MAP4K1: variants seen among roughly 807,000 people sequenced by gnomAD.
MAP4K1 encodes the protein MAPK/ERK kinase kinase kinase 1.
In MAP4K1, 35 loss-of-function variants were observed where a neutral mutation model predicts 122.8. The ratio of observed to expected loss-of-function variants is 0.29; its 90% confidence interval spans 0.22 to 0.38. MAP4K1 has a LOEUF of 0.38. Ranked by LOEUF, MAP4K1 falls within the 10% of genes least tolerant of loss-of-function variation. The pLI, the probability that MAP4K1 is intolerant of heterozygous loss-of-function variation, is 1.00. For synonymous variants in MAP4K1, 412 were observed against 421.3 expected, an observed-to-expected ratio of 0.98 and a Z score of 0.27; for missense variants, 791 against 1,072.6, an observed-to-expected ratio of 0.74 and a Z score of 3.67.
chr19:38,596,005 T>C lies in MAP4K1; in HGVS notation c.2117-4A>G. 1 of 1,613,698 alleles carries C rather than the reference T, an allele frequency of 6.2e-7. No individual in the cohort carries two copies. Among genetic ancestry groups the C allele is most frequent in the Non-Finnish European group, 8.5e-7 (1 of 1,179,880 alleles). On this transcript the variant is annotated splice_region_variant and splice_polypyrimidine_tract_variant and intron_variant, in intron 26 of 30. Coordinates refer to ENST00000396857, the MANE Select transcript of MAP4K1 (RefSeq NM_001042600.3). ...ACCTGCACGGGTCCCCTGTGCTCTG[T>C]TTGGGGGGAGTGGGTTAAGGATTGA...
Position 38,603,007 on chromosome 19 carries a change from TAC to T in MAP4K1, c.1447-1484_1447-1483del, listed in dbSNP as rs1190641935. Among the ~76,000 whole-genome samples the T allele has an allele frequency of 6.1e-4, 89 of 146,740 alleles. 3 individuals carry two copies. The highest frequency in any genetic ancestry group is 2.0e-3 in the African/African-American group (80 of 40,378). ...ATATACATATATACATATACATATATACACACATATACATGTATACATATATA... is the reference window on the plus strand; with the variant it reads ...ATATACATATATACATATACATATATACACATATACATGTATACATATATA... On this transcript the variant is annotated intron_variant, in intron 19 of 30. Coordinates refer to ENST00000396857, the MANE Select transcript of MAP4K1 (RefSeq NM_001042600.3).
intron 17 of MAP4K1, 39 bp downstream of exon 17, chr19:38,606,134 C>G: frequency 6.5e-7 from 1 of 1,543,950 alleles, no homozygotes; most frequent in Non-Finnish European, 8.8e-7. Flanking sequence ...CCCAGTGGCC[C>G]TGAGGCCCCA....
chr19:38,595,907 T>TC (rs779013188), intron 27 of MAP4K1, 32 bp downstream of exon 27: 5 of 1,605,738 alleles, frequency 3.1e-6, no homozygotes, highest in Non-Finnish European at 4.3e-6. Context: ...GCTGGAGGGG[T>TC]GGGGAGGAAG....
At position 38,597,314 on chromosome 19, in the gene MAP4K1, G is replaced by GCT; in HGVS notation, c.1837+10_1837+11dup. 6.2e-7 allele frequency: 1 copy of GCT among 1,613,904 alleles called. No individual in the cohort carries two copies. The highest frequency in any genetic ancestry group is 8.5e-7 in the Non-Finnish European group (1 of 1,180,010). On this transcript the variant is annotated intron_variant, in intron 24 of 30. Transcript: ENST00000396857. This position sits in a 1 kb window ranked among gnomAD's most constrained non-coding sequence, Gnocchi z 4.6. Reference sequence around the variant, plus strand: ...CGCCCACTCTCTGCACACCCGTGAAGCTCTCTCTCACCCACACAGCACGCC... The same window carrying GCT: ...CGCCCACTCTCTGCACACCCGTGAAGCTCTCTCTCTCACCCACACAGCACGCC...
At chr19:38,600,215 C>A (rs960986498) in intron 20 of MAP4K1, 62 bp from the exon 21 acceptor site, 1 of 1,351,168 alleles carries the variant, frequency 7.4e-7, no homozygotes, top group African/African-American at 1.4e-5. Flanking sequence ...CAGATCCCCA[C>A]CTGTCTGACC....
chr19:38,593,112 C>T (rs1200642712), intron 30 of MAP4K1, among the ~76,000 whole-genome samples, 170 bp downstream of exon 30: 1 of 152,018 alleles, frequency 6.6e-6, no homozygotes, highest in Non-Finnish European at 1.5e-5. Context: ...AGAGAGAACG[C>T]CCCCGTGGCT....
chr19:38,614,246 T>G lies in MAP4K1; in HGVS notation c.416A>C (p.Lys139Thr). Residue 139 changes from lysine to threonine, a missense_variant and splice_region_variant, in exon 6 of 31, where the codon AAG becomes ACG. Physicochemically the swap from Lys to Thr is moderately conservative, Grantham distance 78 (BLOSUM62 -1). Around this residue, in one of 4 missense-constraint regions of MAP4K1, gnomAD observed 163 missense variants for 286.1 expected, o/e 0.57. Coordinates refer to ENST00000396857, the MANE Select transcript of MAP4K1 (RefSeq NM_001042600.3). ...HSQKKIHRDI[K>T]GANILINDAG... ...AGCACCCCTACACCCCCAGACCACC[T>G]TGATGTCCCTGTGTATCTTCTTCTG... The G allele has an allele frequency of 6.2e-7, 1 of 1,607,564 alleles. No homozygotes were observed. Among genetic ancestry groups the G allele is most frequent in the Non-Finnish European group, 8.5e-7 (1 of 1,175,138 alleles).
Position 38,595,504 on chromosome 19 carries a change from C to A in MAP4K1, c.2321G>T (p.Trp774Leu). 6.2e-7 allele frequency: 1 copy of A among 1,614,006 alleles called. No individual in the cohort carries two copies. Residue 774 changes from tryptophan (W) to leucine (L), a missense_variant, in exon 29 of 31, where the codon TGG becomes TTG. By Grantham distance (61) the Trp-to-Leu change is moderately conservative. Transcript: ENST00000396857. ...GCTTACCTGATCCGAGCCTAGAGCC[C>A]ACACCTGCACTCCATGCTTCCAGAA... ...QAFWKHGVQV[W>L]ALGSDQLLQE...
At chr19:38,590,397 ATATATATATATAT>A (rs1974688212) in intron 30 of MAP4K1, among the ~76,000 whole-genome samples, 13 of 29,754 alleles carry the variant, frequency 4.4e-4, no homozygotes, top group African/African-American at 2.1e-3. Context: ...AAAAAAAAAT[ATATATATATATAT>A]ATATATATAT....
Position 38,587,736 on chromosome 19 carries a change from C to G in MAP4K1, c.*12G>C. The G allele has an allele frequency of 6.2e-7, 1 of 1,611,078 alleles. No individual in the cohort carries two copies. Among genetic ancestry groups the G allele is most frequent in the Non-Finnish European group, 8.5e-7 (1 of 1,177,414 alleles). ...GGGTGCAAGGACTAGTTCCTGACAC[C>G]CCCCTAGGGACTCATTCCTGGATGT... is the stretch of plus-strand genomic sequence containing the variant. On this transcript the variant is annotated 3_prime_UTR_variant, in exon 31 of 31. Transcript: ENST00000396857.
intron 19 of MAP4K1, among the ~76,000 whole-genome samples, chr19:38,604,081 G>A (rs566479755): frequency 2.2e-5 from 3 of 137,744 alleles, no homozygotes; most frequent in South Asian, 2.3e-4. Flanking sequence ...AGCCATGATC[G>A]CGCCACTGCA....
intron 30 of MAP4K1, among the ~76,000 whole-genome samples, chr19:38,588,981 A>C (rs1974618085): frequency 6.6e-6 from 1 of 151,978 alleles, no homozygotes; most frequent in Non-Finnish European, 1.5e-5. Context: ...AATCCATGAG[A>C]CCATGCTGGT....
At chr19:38,593,435 G>C in intron 29 of MAP4K1, 98 bp from the exon 30 acceptor site, 2 of 1,085,744 alleles carry the variant, frequency 1.8e-6, no homozygotes, top group South Asian at 2.9e-5. Context: ...GGGCACGGTG[G>C]CTCACGCCTG....
intron 19 of MAP4K1, among the ~76,000 whole-genome samples, chr19:38,602,779 C>T (rs1446695281): frequency 2.1e-5 from 3 of 144,118 alleles, no homozygotes; most frequent in Non-Finnish European, 3.0e-5. Flanking sequence ...CATATATACA[C>T]ATATACATAT....
chr19:38,609,956 G>A lies in MAP4K1; in HGVS notation c.880C>T (p.Pro294Ser), dbSNP rs752811174. Residue 294 changes from proline (P) to serine (S), a missense_variant, in exon 12 of 31, where the codon CCC becomes TCC. Pro to Ser is a moderately conservative substitution (Grantham distance 74). Around this residue, in one of 4 missense-constraint regions of MAP4K1, gnomAD observed 303 missense variants for 344.8 expected, o/e 0.88. Transcript: ENST00000396857. ...ILDLLDKLKN[P>S]GKGPSIGDIE... Reference sequence around the variant, plus strand: ...TCCCCAATGGAGGGTCCTTTCCCGGGATTCTTCAGTTTGTCAAGAAGATCC... The same window carrying A: ...TCCCCAATGGAGGGTCCTTTCCCGGAATTCTTCAGTTTGTCAAGAAGATCC... 5 of 1,614,210 alleles carry A rather than the reference G, an allele frequency of 3.1e-6. No individual in the cohort carries two copies. The highest frequency in any genetic ancestry group is 4.2e-6 in the Non-Finnish European group (5 of 1,180,040).
Position 38,599,936 on chromosome 19 carries a change from A to T in MAP4K1, c.1658T>A (p.Met553Lys). The T allele has an allele frequency of 6.2e-7, 1 of 1,614,102 alleles. No homozygotes were observed. The highest frequency in any genetic ancestry group is 1.3e-5 in the African/African-American group (1 of 75,024). Residue 553 changes from methionine (M) to lysine (K), a missense_variant, in exon 22 of 31, where the codon ATG becomes AAG. Transcript: ENST00000396857. ...TWVYSINNVLMSLSGKTPHLY... is the reference protein window; with the variant it reads ...TWVYSINNVLKSLSGKTPHLY... Reference sequence around the variant, plus strand: ...ACCCACAGCCAGACCTGAGAGAGACATGAGAACGTTGTTGATGGAGTACAC... The same window carrying T: ...ACCCACAGCCAGACCTGAGAGAGACTTGAGAACGTTGTTGATGGAGTACAC...
rs1288168621 is a variant in MAP4K1, at chr19:38,605,452, T to C, written c.1403A>G (p.Lys468Arg). Residue 468 changes from lysine to arginine, a missense_variant, in exon 19 of 31, where the codon AAG becomes AGG. By Grantham distance (26) the Lys-to-Arg change is conservative. This residue lies in a region of MAP4K1 where 303 missense variants were observed against 344.8 expected (regional missense o/e 0.88). Coordinates refer to ENST00000396857, the MANE Select transcript of MAP4K1 (RefSeq NM_001042600.3). ...LWNPPSRELD[K>R]PPLLPPKKEK... ...CTTCTTGGGGGGCAGAAGTGGGGGC[T>C]TGTCAAGCTCCCGGGAGGGTGGGTT... 1 of 1,600,414 alleles carries C rather than the reference T, an allele frequency of 6.2e-7. No individual in the cohort carries two copies. The highest frequency in any genetic ancestry group is 1.7e-5 in the Admixed American group (1 of 58,206).
rs766104485 is a variant in MAP4K1, at chr19:38,598,029, T to TTTA, written c.1670-438_1670-436dup. On this transcript the variant is annotated intron_variant, in intron 22 of 30. Coordinates refer to ENST00000396857, the MANE Select transcript of MAP4K1 (RefSeq NM_001042600.3). ...CCAAAACTAGAAATTATTTCATTTA[T>TTTA]TTATTATTATTATTATTATTTTAGA... Among the ~76,000 whole-genome samples, 25 of 150,796 alleles carry TTTA rather than the reference T, an allele frequency of 1.7e-4. No homozygotes were observed. In the South Asian group the frequency reaches 1.7e-3, roughly 10 times the overall value.
chr19:38,610,133 C>G (rs1160772913), intron 11 of MAP4K1, 108 bp from the exon 12 acceptor site: 1 of 742,886 alleles, frequency 1.3e-6, no homozygotes, highest in Non-Finnish European at 2.3e-6. Context: ...CTAAAGGAAT[C>G]TAGCTGGGGA....
Sources: gnomAD v4.1 joint callset for allele counts (sites outside exome capture counted in the v4.1 genomes callset) on GRCh38, gnomAD v4.1.1 for gene constraint, gnomAD v4.1.1 regional missense constraint, Gnocchi (gnomAD v3.1) non-coding constraint, MANE v1.5 for transcripts, NCBI Gene and HGNC (gene_info 2026-07-23, HGNC 2026-07-21) for gene names.